NPNT: variants seen among roughly 807,000 people sequenced by gnomAD.
The protein encoded by NPNT is nephronectin, also known as preosteoblast EGF-like repeat protein with MAM domain.
NPNT carries 45 observed loss-of-function variants against 68.6 expected under a neutral mutation model. The ratio of observed to expected loss-of-function variants is 0.66; its 90% CI spans 0.52 to 0.84. NPNT has a LOEUF of 0.84. NPNT is among the 40% of genes least tolerant of loss of function. The pLI, the probability that NPNT is intolerant of heterozygous loss-of-function variation, is 0.00. For synonymous variants in NPNT, 233 were observed against 253.3 expected, an observed-to-expected ratio of 0.92 and a Z score of 0.76; for missense variants, 672 against 714.8, an observed-to-expected ratio of 0.94 and a Z score of 0.68.
intron 2 of NPNT, chr4:105,902,923 C>G (rs781425040): frequency 4.6e-5 from 7 of 152,088 alleles, no homozygotes; most frequent in Admixed American, 1.3e-4. Context: ...TCCTGAAATC[C>G]CTTCATAAGC....
intron 7 of NPNT, among the ~76,000 whole-genome samples, chr4:105,941,784 A>T (rs1450849735): frequency 6.6e-6 from 1 of 152,248 alleles, no homozygotes; most frequent in Non-Finnish European, 1.5e-5. Flanking sequence ...TAGAACATTT[A>T]CTCAAGCTGT....
Position 105,958,444 on chromosome 4 carries a change from C to CAA in NPNT, c.1160-23_1160-22dup, listed in dbSNP as rs561546206. 235 of 1,461,948 alleles carry CAA rather than the reference C, an allele frequency of 1.6e-4. No individual in the cohort carries two copies. The African/African-American group carries it at 2.8e-3, about 17-fold the overall frequency. 90.6% of individuals were successfully genotyped at this position (1,461,948 alleles called of 1,614,324 possible). On this transcript the variant is annotated intron_variant, in intron 8 of 11. Transcript: ENST00000379987. ...TCAATACTTCACACACACACACACA[C>CAA]AAAAACTCAAAACCTTTCTCTTGCA... is the stretch of plus-strand genomic sequence containing the variant.
intron 1 of NPNT, chr4:105,896,061 G>A: frequency 2.9e-6 from 1 of 343,340 alleles, no homozygotes; most frequent in Non-Finnish European, 5.3e-6. Flanking sequence ...GAGGTGACGC[G>A]CGAAACATCC....
At chr4:105,931,484 TTAACTC>T (rs1316942516) in intron 3 of NPNT, among the ~76,000 whole-genome samples, 1 of 151,868 alleles carries the variant, frequency 6.6e-6, no homozygotes, top group Non-Finnish European at 1.5e-5. Context: ...TCTAAGGGCT[TTAACTC>T]TAATATTAAG....
intron 2 of NPNT, among the ~76,000 whole-genome samples, chr4:105,925,499 T>C (rs1728614274): frequency 6.6e-6 from 1 of 151,986 alleles, no homozygotes; most frequent in South Asian, 2.1e-4. Context: ...AAAAATAACA[T>C]GCACATCAGT....
intron 2 of NPNT, among the ~76,000 whole-genome samples, chr4:105,913,195 A>C (rs1003713773): frequency 3.3e-5 from 5 of 152,192 alleles, no homozygotes; most frequent in African/African-American, 7.2e-5. Context: ...TGATTGAAGA[A>C]ACTATCACAT....
intron 2 of NPNT, among the ~76,000 whole-genome samples, chr4:105,905,568 C>T (rs1159176906): frequency 6.6e-6 from 1 of 152,050 alleles, no homozygotes; most frequent in East Asian, 1.9e-4. Context: ...AAGCAGTCCT[C>T]ATTAGTTTAT....
intron 2 of NPNT, among the ~76,000 whole-genome samples, chr4:105,907,537 C>T (rs1026976698): frequency 2.6e-5 from 4 of 152,006 alleles, no homozygotes; most frequent in African/African-American, 7.2e-5. Flanking sequence ...TCTGTCTTCA[C>T]GGTAACAAAC....
At chr4:105,913,772 C>T (rs1041394952) in intron 2 of NPNT, among the ~76,000 whole-genome samples, 7 of 152,130 alleles carry the variant, frequency 4.6e-5, no homozygotes, top group African/African-American at 1.7e-4. Flanking sequence ...TCAAAACTTT[C>T]ATGGGATAGT....
At chr4:105,924,749 G>C (rs1485638008) in intron 2 of NPNT, among the ~76,000 whole-genome samples, 1 of 152,150 alleles carries the variant, frequency 6.6e-6, no homozygotes, top group Non-Finnish European at 1.5e-5. Context: ...GGGGTCCAAA[G>C]GCTACAGCCT....
chr4:105,920,488 A>C (rs1405000574), intron 2 of NPNT, among the ~76,000 whole-genome samples: 3 of 151,754 alleles, frequency 2.0e-5, no homozygotes, highest in Non-Finnish European at 4.4e-5. Flanking sequence ...CATTAATCTA[A>C]ATTCCCCTCT....
chr4:105,970,316 G>T lies in NPNT; in HGVS notation c.*1326G>T, dbSNP rs1732477186. ...TTAAAAAACAATGTAACTTTTAAAA[G>T]GCATCATTCCTGAGGTTTGTCTTAA... On this transcript the variant is annotated 3_prime_UTR_variant, in exon 12 of 12. Coordinates refer to ENST00000379987, the MANE Select transcript of NPNT (RefSeq NM_001033047.3). 1 of 640,960 alleles carries T rather than the reference G, an allele frequency of 1.6e-6. No individual in the cohort carries two copies. Among genetic ancestry groups the T allele is most frequent in the South Asian group, 1.8e-5 (1 of 56,726 alleles). The allele number at this position is 640,960 out of a possible 1,614,324, so 39.7% of individuals were successfully genotyped here. A position where few individuals can be genotyped will look rare whatever the true frequency, so the allele number is the denominator to read the frequency against.
At chr4:105,903,783 C>CTTTTT (rs746122761) in intron 2 of NPNT, among the ~76,000 whole-genome samples, 5 of 126,982 alleles carry the variant, frequency 3.9e-5, no homozygotes, top group South Asian at 2.5e-4. Context: ...GACCTTCTTA[C>CTTTTT]TTTTTTTTTT....
At chr4:105,945,651 C>T (rs1180934967) in intron 8 of NPNT, among the ~76,000 whole-genome samples, 1 of 152,166 alleles carries the variant, frequency 6.6e-6, no homozygotes, top group Non-Finnish European at 1.5e-5. Flanking sequence ...GTGCTACCAC[C>T]CTGGCCCAAG....
rs1732256116 is a variant in NPNT, at chr4:105,967,450, T to C, written c.1602+6T>C. On this transcript the variant is annotated splice_donor_region_variant and intron_variant, in intron 11 of 11. Coordinates refer to ENST00000379987, the MANE Select transcript of NPNT (RefSeq NM_001033047.3). ...GAGGGGCTGACATCAAGAGCGTAAG[T>C]AGATCCACAAAGGAGGCAGGACCTG... 1 of 1,553,922 alleles carries C rather than the reference T, an allele frequency of 6.4e-7. No individual in the cohort carries two copies. Among genetic ancestry groups the C allele is most frequent in the Non-Finnish European group, 8.7e-7 (1 of 1,153,758 alleles).
intron 8 of NPNT, among the ~76,000 whole-genome samples, chr4:105,949,576 G>A (rs1244530843): frequency 6.6e-6 from 1 of 152,108 alleles, no homozygotes; most frequent in Admixed American, 6.5e-5. Context: ...ACTTTTCAAA[G>A]ACAAAACTCT....
intron 2 of NPNT, among the ~76,000 whole-genome samples, chr4:105,898,509 A>G (rs759837676): frequency 6.6e-6 from 1 of 152,160 alleles, no homozygotes; most frequent in Non-Finnish European, 1.5e-5. Context: ...TAGAGTACTT[A>G]TATAATCCTC....
At position 105,906,166 on chromosome 4, in the gene NPNT, C is replaced by T. The variant is rs1045950218; in HGVS notation, c.172+8165C>T. Among the ~76,000 whole-genome samples the T allele has an allele frequency of 4.6e-5, 7 of 152,134 alleles. No individual in the cohort carries two copies. The South Asian group carries it at 1.5e-3, about 32-fold the overall frequency. ...CTACATATGTCCTACAATTTGGCTA[C>T]TAGCTTCTGGTAGCCAAAGGTAAAA... On this transcript the variant is annotated intron_variant, in intron 2 of 11. Transcript: ENST00000379987.
At chr4:105,911,242 A>G (rs1239834660) in intron 2 of NPNT, among the ~76,000 whole-genome samples, 9 of 152,096 alleles carry the variant, frequency 5.9e-5, no homozygotes, top group Admixed American at 5.9e-4. Context: ...AGCAAATGTA[A>G]TTTGTGTCTT....
Sources: gnomAD v4.1 joint callset for allele counts (sites outside exome capture counted in the v4.1 genomes callset) on GRCh38, gnomAD v4.1.1 for gene constraint, MANE v1.5 for transcripts, NCBI Gene and HGNC (gene_info 2026-07-23, HGNC 2026-07-21) for gene names.